Variants in SLC6A3 observed in about 807,000 individuals in gnomAD.
SLC6A3 encodes the protein sodium-dependent dopamine transporter.
A neutral mutation model predicts 70.4 loss-of-function variants in SLC6A3; 19 were observed. The ratio of observed to expected loss-of-function variants is 0.27; its 90% CI spans 0.19 to 0.40. The LOEUF (loss-of-function observed/expected upper bound fraction) is 0.40, where lower values mean the gene tolerates loss of function less well. Ranked by LOEUF, SLC6A3 falls within the 10% of genes least tolerant of loss-of-function variation. SLC6A3 has a pLI of 1.00. For synonymous variants in SLC6A3, 368 were observed against 356.6 expected (o/e 1.03, Z -0.36); for missense variants, 613 against 838.5 (o/e 0.73, Z 3.32).
chr5:1,396,797 A>C lies in SLC6A3; in HGVS notation c.1840-2039T>G, dbSNP rs554927281. On this transcript the variant is annotated intron_variant, in intron 14 of 14. Transcript: ENST00000270349. This position sits in a 1 kb window ranked among gnomAD's most constrained non-coding sequence, Gnocchi z 7.0. Reference sequence around the variant, plus strand: ...TGGGGTGTGCATAAGGTCTTGCTTCAGTAGGGGTTGGTTAGGGCTACACCA... The same window carrying C: ...TGGGGTGTGCATAAGGTCTTGCTTCCGTAGGGGTTGGTTAGGGCTACACCA... 1.3e-5 allele frequency among the ~76,000 whole-genome samples: 2 copies of C among 152,346 alleles called. No individual in the cohort carries two copies. The highest frequency in any genetic ancestry group is 2.9e-5 in the Non-Finnish European group (2 of 68,032).
rs754810725 is a variant in SLC6A3, at chr5:1,442,786, C to G, written c.286+126G>C. 39 of 991,444 alleles carry G rather than the reference C, an allele frequency of 3.9e-5. No individual in the cohort carries two copies. The highest frequency in any genetic ancestry group is 5.6e-5 in the Non-Finnish European group (35 of 628,368). The allele number at this position is 991,444 out of a possible 1,614,324, so 61.4% of individuals were successfully genotyped here. On this transcript the variant is annotated intron_variant, in intron 2 of 14. Transcript: ENST00000270349. This position sits in a 1 kb window ranked among gnomAD's most constrained non-coding sequence, Gnocchi z 5.0. ...GGAGGATCTGCACCGGCCGTGAGCT[C>G]TCACAGGGAGCTCCGTCTTCACGCA...
chr5:1,412,162 C>T (rs1366104282), intron 8 of SLC6A3, among the ~76,000 whole-genome samples: 1 of 152,270 alleles, frequency 6.6e-6, no homozygotes, highest in Non-Finnish European at 1.5e-5. Flanking sequence ...CTCCCACCCT[C>T]CCGTGAGGTT....
Position 1,442,519 on chromosome 5 carries a change from C to G in SLC6A3, c.286+393G>C, listed in dbSNP as rs1579728890. ...GGGGCCTCCTCTGCCACTCCAGGCT[C>G]CAGGGCCTCCACATGCTTTGCAAAG... is the stretch of plus-strand genomic sequence containing the variant. On this transcript the variant is annotated intron_variant, in intron 2 of 14. Transcript: ENST00000270349. This position sits in a 1 kb window ranked among gnomAD's most constrained non-coding sequence, Gnocchi z 5.0. Among the ~76,000 whole-genome samples, 1 of 152,214 alleles carries G rather than the reference C, an allele frequency of 6.6e-6. No homozygotes were observed. The highest frequency in any genetic ancestry group is 2.4e-5 in the African/African-American group (1 of 41,468).
intron 3 of SLC6A3, among the ~76,000 whole-genome samples, chr5:1,439,954 C>G (rs1229203742): frequency 1.3e-5 from 2 of 152,234 alleles, no homozygotes; most frequent in Non-Finnish European, 2.9e-5. Flanking sequence ...AACACAGAGA[C>G]CTAGTGTGTG....
intron 7 of SLC6A3, among the ~76,000 whole-genome samples, chr5:1,415,862 C>A (rs111395125): frequency 2.0e-5 from 3 of 152,204 alleles, no homozygotes; most frequent in African/African-American, 7.2e-5. Context: ...CAAACCTAGG[C>A]AGGTCCCTCC....
chr5:1,423,808 C>T (rs1318453143), intron 4 of SLC6A3, among the ~76,000 whole-genome samples: 1 of 152,232 alleles, frequency 6.6e-6, no homozygotes, highest in Non-Finnish European at 1.5e-5. Flanking sequence ...AACAGCCGTG[C>T]CGCTGCCACC....
Position 1,404,989 on chromosome 5 carries a change from G to A in SLC6A3, c.1599+1199C>T, listed in dbSNP as rs1304966952. On this transcript the variant is annotated intron_variant, in intron 12 of 14. Coordinates refer to ENST00000270349, the MANE Select transcript of SLC6A3 (RefSeq NM_001044.5). The surrounding 1 kb of genome is among the most constrained non-coding windows in gnomAD (Gnocchi z 5.2). ...GCAAAACAGCTCAGTTTCAACTAAT[G>A]GCGGGGGAGAGCGGGAGGTGGGCAG... 6.6e-6 allele frequency among the ~76,000 whole-genome samples: 1 copy of A among 152,226 alleles called. No homozygotes were observed. Among genetic ancestry groups the A allele is most frequent in the South Asian group, 2.1e-4 (1 of 4,830 alleles).
rs533135735 is a variant in SLC6A3, at chr5:1,438,108, C to T, written c.418+3251G>A. On this transcript the variant is annotated intron_variant, in intron 3 of 14. Transcript: ENST00000270349. The surrounding 1 kb of genome is among the most constrained non-coding windows in gnomAD (Gnocchi z 6.5). ...ACTGAGATTCAACAACTCAAGGTGT[C>T]TCGTCTCTAAAAAGAAGTCCAGCTT... Among the ~76,000 whole-genome samples, 5 of 152,320 alleles carry T rather than the reference C, an allele frequency of 3.3e-5. No individual in the cohort carries two copies. Among genetic ancestry groups the T allele is most frequent in the African/African-American group, 1.2e-4 (5 of 41,578 alleles).
In SLC6A3 at chr5:1,436,431, G is replaced by C. The variant is rs1579724967; in HGVS notation, c.419-3733C>G. ...CAAGGAGGTGGCAGGCAAAGTCCCT[G>C]CTCGCGTTTCCAGGGAAAACATTCA... is the stretch of plus-strand genomic sequence containing the variant. On this transcript the variant is annotated intron_variant, in intron 3 of 14. Coordinates refer to ENST00000270349, the MANE Select transcript of SLC6A3 (RefSeq NM_001044.5). The surrounding 1 kb of genome is among the most constrained non-coding windows in gnomAD (Gnocchi z 5.2). Among the ~76,000 whole-genome samples the C allele has an allele frequency of 6.6e-6, 1 of 152,292 alleles. No individual in the cohort carries two copies. The highest frequency in any genetic ancestry group is 1.9e-4 in the East Asian group (1 of 5,184).
chr5:1,432,538 A>G lies in SLC6A3; in HGVS notation c.579T>C (p.His193=). ...SWNSPNCSDA[H]PGDSSGDSSG... Reference sequence around the variant, plus strand: ...AGCTGTCTCCACTGGAGTCACCAGGATGGGCATCCGAGCAGTTGGGGCTGT... The same window carrying G: ...AGCTGTCTCCACTGGAGTCACCAGGGTGGGCATCCGAGCAGTTGGGGCTGT... Residue 193 remains histidine, a synonymous_variant, in exon 4 of 15, where the codon CAT becomes CAC. Transcript: ENST00000270349. 3 of 1,614,244 alleles carry G rather than the reference A, an allele frequency of 1.9e-6. No homozygotes were observed. Among genetic ancestry groups the G allele is most frequent in the Non-Finnish European group, 1.7e-6 (2 of 1,180,038 alleles).
intron 6 of SLC6A3, 92 bp from the exon 7 acceptor site, chr5:1,416,293 T>C (rs1756290030): frequency 6.9e-6 from 6 of 873,054 alleles, no homozygotes; most frequent in Non-Finnish European, 1.1e-5. Context: ...AGCCCCACAC[T>C]GAGGCCTCTA....
chr5:1,394,129 A>G lies in SLC6A3; in HGVS notation c.*606T>C, dbSNP rs900139632. On this transcript the variant is annotated 3_prime_UTR_variant, in exon 15 of 15. Coordinates refer to ENST00000270349, the MANE Select transcript of SLC6A3 (RefSeq NM_001044.5). The surrounding 1 kb of genome is among the most constrained non-coding windows in gnomAD (Gnocchi z 4.7). ...AGACATACCAGGACCCCCATCCTCC[A>G]ATGCCTCTGAACAGACTGTGTGTGC... 1 of 157,568 alleles carries G rather than the reference A, an allele frequency of 6.3e-6. No individual in the cohort carries two copies. The allele number at this position is 157,568 out of a possible 1,614,324, so 9.8% of individuals were successfully genotyped here.
At chr5:1,435,329 G>A (rs1270638900) in intron 3 of SLC6A3, among the ~76,000 whole-genome samples, 2 of 152,218 alleles carry the variant, frequency 1.3e-5, no homozygotes, top group African/African-American at 2.4e-5. Context: ...GACAATGGAT[G>A]CCCAATTTGA....
chr5:1,398,599 G>T (rs1027620399), intron 14 of SLC6A3, among the ~76,000 whole-genome samples: 1 of 152,172 alleles, frequency 6.6e-6, no homozygotes, highest in Non-Finnish European at 1.5e-5. Flanking sequence ...AAAATTCTAG[G>T]TGTATGCTGG....
rs28363102 is a variant in SLC6A3, at chr5:1,410,277, C to A, written c.1270-428G>T. Among the ~76,000 whole-genome samples the A allele has an allele frequency of 1.6e-3, 241 of 152,306 alleles. 8 individuals carry two copies. In the South Asian group the frequency reaches 0.049, roughly 31 times the overall value. On this transcript the variant is annotated intron_variant, in intron 9 of 14. Transcript: ENST00000270349. ...CCTTCCCGACGGAGCCTCCTGACTC[C>A]TGGCATCCTCCTGTGGGACACCGTC... is the stretch of plus-strand genomic sequence containing the variant.
rs73731750 is a variant in SLC6A3, at chr5:1,396,294, C to T, written c.1840-1536G>A. On this transcript the variant is annotated intron_variant, in intron 14 of 14. Transcript: ENST00000270349. This position sits in a 1 kb window ranked among gnomAD's most constrained non-coding sequence, Gnocchi z 7.0. ...CTGACCTAGATGGAATAATAGGGAT[C>T]GAATTTACCCTACTGTCCGAAACAA... Among the ~76,000 whole-genome samples the T allele has an allele frequency of 6.9e-3, 1,047 of 152,268 alleles. 7 individuals carry two copies. The highest frequency in any genetic ancestry group is 0.023 in the African/African-American group (958 of 41,560).
At chr5:1,416,421 C>A (rs1284764689) in intron 6 of SLC6A3, 2 of 608,718 alleles carry the variant, frequency 3.3e-6, no homozygotes, top group East Asian at 2.8e-5. Flanking sequence ...AGGGGGCTGT[C>A]TGTGTTCATT....
At chr5:1,420,227 G>A (rs747204521) in intron 6 of SLC6A3, among the ~76,000 whole-genome samples, 3 of 152,186 alleles carry the variant, frequency 2.0e-5, no homozygotes, top group Non-Finnish European at 4.4e-5. Context: ...CTGTTTGCCA[G>A]GAAGGGTGCA....
rs570523624 is a variant in SLC6A3 at position 1,427,983 on chromosome 5, A to G, written c.653+4481T>C. Among the ~76,000 whole-genome samples the G allele has an allele frequency of 1.1e-3, 166 of 152,312 alleles. 6 individuals are homozygous for G. The South Asian group carries it at 0.034, about 31-fold the overall frequency. The stretch of plus-strand genomic sequence containing the variant: ...AGGATGTAGAAAACCTGAAAAACAC[A>G]GTGACCTAACATAACCTCTCTGACA... On this transcript the variant is annotated intron_variant, in intron 4 of 14. Coordinates refer to ENST00000270349, the MANE Select transcript of SLC6A3 (RefSeq NM_001044.5).
Sources: gnomAD v4.1 joint callset for allele counts (sites outside exome capture counted in the v4.1 genomes callset) on GRCh38, gnomAD v4.1.1 for gene constraint, Gnocchi (gnomAD v3.1) non-coding constraint, MANE v1.5 for transcripts, NCBI Gene and HGNC (gene_info 2026-07-23, HGNC 2026-07-21) for gene names.